PDE5A: variants seen among roughly 807,000 people sequenced by gnomAD.
The protein encoded by PDE5A is phosphodiesterase 5A, also known as cGMP-specific 3',5'-cyclic phosphodiesterase.
A neutral mutation model predicts 110.2 loss-of-function variants in PDE5A; 67 were observed. That is an observed-to-expected ratio of 0.61 (90% CI 0.50 to 0.75). PDE5A has a LOEUF of 0.75. Ranked by LOEUF, PDE5A falls within the 30% of genes least tolerant of loss-of-function variation. PDE5A has a pLI of 0.00. For synonymous variants in PDE5A, 328 were observed against 351.2 expected, an observed-to-expected ratio of 0.93 and a Z score of 0.74; for missense variants, 862 against 1,045.1, an observed-to-expected ratio of 0.82 and a Z score of 2.42.
chr4:119,587,379 AT>A (rs5861433), intron 3 of PDE5A, among the ~76,000 whole-genome samples: 102,442 of 139,094 alleles, frequency 0.74, 37,812 homozygotes, highest in East Asian at 0.88. Flanking sequence ...ATTTTTTTGT[AT>A]TTTTTTTTTT....
At chr4:119,505,081 A>G (rs1202668574) in intron 17 of PDE5A, among the ~76,000 whole-genome samples, 1 of 152,012 alleles carries the variant, frequency 6.6e-6, no homozygotes, top group Non-Finnish European at 1.5e-5. Flanking sequence ...CCTTTGAATG[A>G]TTAATCATGT....
intron 8 of PDE5A, 48 bp downstream of exon 8, chr4:119,553,590 G>A (rs749999981): frequency 2.3e-6 from 2 of 888,066 alleles, no homozygotes; most frequent in South Asian, 2.6e-5. Flanking sequence ...GTACAGATGT[G>A]ATGGGAAAAC....
chr4:119,574,746 T>TA (rs1013069073), intron 3 of PDE5A, among the ~76,000 whole-genome samples: 6 of 151,762 alleles, frequency 4.0e-5, no homozygotes, highest in African/African-American at 7.3e-5. Context: ...TATGCAACAT[T>TA]AAAAAAAATC....
chr4:119,584,779 T>C (rs1728700224), intron 3 of PDE5A, among the ~76,000 whole-genome samples: 1 of 152,170 alleles, frequency 6.6e-6, no homozygotes, highest in Admixed American at 6.5e-5. Flanking sequence ...TCCCTCCTTC[T>C]AGTGGATGCT....
rs1182551924 is a variant in PDE5A at position 119,606,841 on chromosome 4, G to A, written c.609C>T (p.Arg203=). 3 of 1,614,066 alleles carry A rather than the reference G, an allele frequency of 1.9e-6. No homozygotes were observed. The highest frequency in any genetic ancestry group is 2.5e-6 in the Non-Finnish European group (3 of 1,180,042). ...DSSNDKFLIS[R]LFDVAEGSTL... is the part of the protein sequence containing the mutation. Reference sequence around the variant, plus strand: ...TTGAACCTTCAGCAACATCAAAGAGGCGGCTGATAAGAAACTTGTCATTGG... The same window carrying A: ...TTGAACCTTCAGCAACATCAAAGAGACGGCTGATAAGAAACTTGTCATTGG... Residue 203 remains arginine, a synonymous_variant, in exon 2 of 21, where the codon CGC becomes CGT. Transcript: ENST00000354960.
intron 3 of PDE5A, among the ~76,000 whole-genome samples, chr4:119,568,128 TTCTC>T (rs576788579): frequency 1.3e-4 from 19 of 151,740 alleles, no homozygotes; most frequent in Admixed American, 5.2e-4. Flanking sequence ...CTTAACATTT[TTCTC>T]TCTCTCTCTC....
At chr4:119,582,746 C>T (rs1470370451) in intron 3 of PDE5A, among the ~76,000 whole-genome samples, 1 of 152,196 alleles carries the variant, frequency 6.6e-6, no homozygotes, top group Non-Finnish European at 1.5e-5. Context: ...TTTCCTTGTG[C>T]ATCTCCATCT....
intron 14 of PDE5A, among the ~76,000 whole-genome samples, chr4:119,516,103 T>G (rs536043493): frequency 6.6e-6 from 1 of 152,198 alleles, no homozygotes; most frequent in Non-Finnish European, 1.5e-5. Flanking sequence ...TATTTATCCT[T>G]TCTCCTTTCT....
At chr4:119,598,729 C>G (rs1310913738) in intron 2 of PDE5A, among the ~76,000 whole-genome samples, 1 of 152,138 alleles carries the variant, frequency 6.6e-6, no homozygotes, top group East Asian at 1.9e-4. Context: ...CGTTTTCCTG[C>G]TTTAGAGAAG....
In PDE5A at chr4:119,542,550, G is replaced by C. The variant is rs1726970397; in HGVS notation, c.1481C>G (p.Ala494Gly). ...FNRNDEQFLEAFVIFCGLGIQ... is the reference protein window; with the variant it reads ...FNRNDEQFLEGFVIFCGLGIQ... ...CCCCAAGCCACAAAAGATGACAAAA[G>C]CTTCCAGAAACTGTTCGTCATTTCG... The change falls in exon 10 of 21, where the codon GCT becomes GGT. Residue 494 changes from alanine (A) to glycine (G), a missense_variant. By Grantham distance (60) the Ala-to-Gly change is moderately conservative. Transcript: ENST00000354960. 1.9e-6 allele frequency: 3 copies of C among 1,613,856 alleles called. No individual in the cohort carries two copies. The highest frequency in any genetic ancestry group is 2.5e-6 in the Non-Finnish European group (3 of 1,179,928).
rs181682157 is a variant in PDE5A, at chr4:119,628,469, T to C, written c.152+51A>G. ...AACAGGGGTGAACGAAGGGCACAAT[T>C]CAACAGGGGAGAGAAATCAGCCCCG... is the stretch of plus-strand genomic sequence containing the variant. On this transcript the variant is annotated intron_variant, in intron 1 of 20. Coordinates refer to ENST00000354960, the MANE Select transcript of PDE5A (RefSeq NM_001083.4). 6.5e-4 allele frequency: 946 copies of C among 1,453,508 alleles called. 4 individuals carry two copies. In the African/African-American group the frequency reaches 0.013, roughly 19 times the overall value. 90.0% of individuals were successfully genotyped at this position (1,453,508 alleles called of 1,614,324 possible). A position where few individuals can be genotyped will look rare whatever the true frequency, so the allele number is the denominator to read the frequency against.
intron 3 of PDE5A, among the ~76,000 whole-genome samples, chr4:119,570,544 C>G (rs542306392): frequency 6.6e-6 from 1 of 152,152 alleles, no homozygotes; most frequent in Non-Finnish European, 1.5e-5. Flanking sequence ...GTCGAGTGTT[C>G]TTTTAGGAAT....
At chr4:119,514,340 C>T (rs575846902) in intron 14 of PDE5A, among the ~76,000 whole-genome samples, 1 of 152,276 alleles carries the variant, frequency 6.6e-6, no homozygotes, top group African/African-American at 2.4e-5. Context: ...CAAACAACAT[C>T]CTTGGTTCTG....
At chr4:119,604,013 TCAATATAAATTAGATCA>T in intron 2 of PDE5A, among the ~76,000 whole-genome samples, 2 of 152,298 alleles carry the variant, frequency 1.3e-5, no homozygotes, top group Middle Eastern at 3.4e-3. Flanking sequence ...ACTGCTAATA[TCAATATAAATTAGATCA>T]CAATGTAAAT....
At chr4:119,544,866 C>T (rs371650383) in intron 9 of PDE5A, among the ~76,000 whole-genome samples, 29 of 152,174 alleles carry the variant, frequency 1.9e-4, no homozygotes, top group African/African-American at 6.7e-4. Context: ...TTTGGAATTG[C>T]CCGCAAGTCC....
intron 3 of PDE5A, among the ~76,000 whole-genome samples, chr4:119,579,015 A>C (rs1374359165): frequency 2.0e-5 from 3 of 152,086 alleles, no homozygotes; most frequent in Admixed American, 6.6e-5. Context: ...AACCCCATCA[A>C]AAAGTGGGTG....
chr4:119,561,266 G>A (rs1008876970), intron 6 of PDE5A, among the ~76,000 whole-genome samples: 14 of 152,100 alleles, frequency 9.2e-5, no homozygotes, highest in African/African-American at 3.4e-4. Flanking sequence ...GAAGAAATCT[G>A]TACATTTCTT....
At chr4:119,558,916 C>CAAAAAA (rs11392885) in intron 7 of PDE5A, among the ~76,000 whole-genome samples, 4 of 104,636 alleles carry the variant, frequency 3.8e-5, no homozygotes, top group Admixed American at 3.3e-4. Flanking sequence ...GACTCCGTCT[C>CAAAAAA]AAAAAAAAAA....
At chr4:119,620,556 T>C (rs1219504722) in intron 1 of PDE5A, among the ~76,000 whole-genome samples, 3 of 152,180 alleles carry the variant, frequency 2.0e-5, no homozygotes, top group Non-Finnish European at 4.4e-5. Context: ...AGTTTAGATA[T>C]GGGAGAGACT....
Sources: allele counts gnomAD v4.1 joint callset (sites outside exome capture counted in the v4.1 genomes callset), GRCh38; gene constraint gnomAD v4.1.1; transcripts MANE v1.5; gene names NCBI Gene and HGNC (gene_info 2026-07-23, HGNC 2026-07-21).